Variants in SLF1 observed in about 807,000 individuals in gnomAD.
SLF1 encodes the protein SMC5-SMC6 complex localization factor protein 1.
In SLF1, 105 loss-of-function variants were observed where a neutral mutation model predicts 123.0. The observed-to-expected ratio is 0.85, with a 90% CI of 0.73 to 1.00. The LOEUF (loss-of-function observed/expected upper bound fraction) is 1.00, where lower values mean the gene tolerates loss of function less well. SLF1 is among the 50% of genes least tolerant of loss of function. The pLI is 0.00. For synonymous variants in SLF1, 434 were observed against 406.6 expected, an observed-to-expected ratio of 1.07 and a Z score of -0.81; for missense variants, 1,239 against 1,223.0, an observed-to-expected ratio of 1.01 and a Z score of -0.20.
intron 9 of SLF1, among the ~76,000 whole-genome samples, chr5:94,656,001 A>G (rs1748330491): frequency 6.6e-6 from 1 of 152,014 alleles, no homozygotes; most frequent in Non-Finnish European, 1.5e-5. Flanking sequence ...TAAAAGTTGT[A>G]AAAGTAGGCA....
intron 1 of SLF1, among the ~76,000 whole-genome samples, chr5:94,625,435 G>C (rs1024811185): frequency 6.6e-6 from 1 of 151,792 alleles, no homozygotes; most frequent in African/African-American, 2.4e-5. Flanking sequence ...CCAGGCTGGA[G>C]TGCAATGGTG....
intron 1 of SLF1, among the ~76,000 whole-genome samples, chr5:94,619,122 G>GC (rs1157438910): frequency 6.6e-6 from 1 of 152,074 alleles, no homozygotes; most frequent in East Asian, 1.9e-4. Context: ...AAGGCGCTAG[G>GC]CCCCCCGCGT....
intron 1 of SLF1, among the ~76,000 whole-genome samples, chr5:94,621,515 T>G (rs1281914023): frequency 4.6e-5 from 7 of 152,196 alleles, no homozygotes; most frequent in Admixed American, 3.9e-4. Flanking sequence ...GTAAACCAAA[T>G]TTCCTAGGAT....
chr5:94,665,862 A>T lies in SLF1; in HGVS notation c.1370A>T (p.Asp457Val). 1 of 1,539,462 alleles carries T rather than the reference A, an allele frequency of 6.5e-7. No individual in the cohort carries two copies. Among genetic ancestry groups the T allele is most frequent in the Non-Finnish European group, 8.8e-7 (1 of 1,136,890 alleles). The change falls in exon 12 of 21, where the codon GAT becomes GTT. Residue 457 changes from aspartate (D) to valine (V), a missense_variant and splice_region_variant. Coordinates refer to ENST00000265140, the MANE Select transcript of SLF1 (RefSeq NM_032290.4). ...TGTTTGTTTATTTTTAAATAATAGG[A>T]TAACATAGATACATTTTCTGGTCGA... ...LHALLENVLQDNIDTFSGRYF... is the reference protein window; with the variant it reads ...LHALLENVLQVNIDTFSGRYF...
rs1753501050 is a variant in SLF1, at chr5:94,696,209, G to C, written c.*897G>C. On this transcript the variant is annotated 3_prime_UTR_variant, in exon 21 of 21. Coordinates refer to ENST00000265140, the MANE Select transcript of SLF1 (RefSeq NM_032290.4). ...GATAATAACCACTTTTGAGATTGGA[G>C]TTTCTTCACTACTGGGAGTAAGTTA... 1 of 151,738 alleles carries C rather than the reference G, an allele frequency of 6.6e-6. No individual in the cohort carries two copies. The highest frequency in any genetic ancestry group is 6.6e-5 in the Admixed American group (1 of 15,202). The allele number at this position is 151,738 out of a possible 1,614,324, so 9.4% of individuals were successfully genotyped here.
At chr5:94,650,086 G>A (rs912371290) in intron 6 of SLF1, among the ~76,000 whole-genome samples, 5 of 152,124 alleles carry the variant, frequency 3.3e-5, no homozygotes, top group Non-Finnish European at 7.4e-5. Flanking sequence ...AGCACATATG[G>A]TATGGTGGCT....
At position 94,626,042 on chromosome 5, in the gene SLF1, A is replaced by G. The variant is rs1018341920; in HGVS notation, c.1-2769A>G. On this transcript the variant is annotated intron_variant, in intron 1 of 20. Coordinates refer to ENST00000265140, the MANE Select transcript of SLF1 (RefSeq NM_032290.4). Reference sequence around the variant, plus strand: ...GCCGAGGCAGGCAGATCACAAGGTCAGGAGATCGAGACCGTCCTGGCTAAC... The same window carrying G: ...GCCGAGGCAGGCAGATCACAAGGTCGGGAGATCGAGACCGTCCTGGCTAAC... 3.3e-5 allele frequency among the ~76,000 whole-genome samples: 5 copies of G among 152,126 alleles called. No homozygotes were observed. In the South Asian group the frequency reaches 1.0e-3, roughly 32 times the overall value.
chr5:94,625,074 T>G (rs1007793456), intron 1 of SLF1, among the ~76,000 whole-genome samples: 2 of 151,242 alleles, frequency 1.3e-5, no homozygotes, highest in Non-Finnish European at 2.9e-5. Flanking sequence ...GTGCCTGTAG[T>G]CCCAGCTACT....
At chr5:94,656,245 A>G (rs1748363460) in intron 9 of SLF1, among the ~76,000 whole-genome samples, 1 of 151,898 alleles carries the variant, frequency 6.6e-6, no homozygotes, top group Non-Finnish European at 1.5e-5. Flanking sequence ...TAATTTACTT[A>G]TTTGTGTATG....
intron 5 of SLF1, among the ~76,000 whole-genome samples, chr5:94,648,793 A>G (rs1274791558): frequency 6.6e-6 from 1 of 152,216 alleles, no homozygotes; most frequent in Non-Finnish European, 1.5e-5. Flanking sequence ...ACAGCCTCTC[A>G]TAAGTACATT....
intron 9 of SLF1, among the ~76,000 whole-genome samples, chr5:94,659,350 G>A (rs1748791967): frequency 6.6e-6 from 1 of 151,590 alleles, no homozygotes; most frequent in South Asian, 2.1e-4. Context: ...CTTTTTGTTG[G>A]AATCTGTTGC....
chr5:94,629,291 G>T, intron 3 of SLF1, 124 bp downstream of exon 3: 1 of 671,966 alleles, frequency 1.5e-6, no homozygotes, highest in South Asian at 4.6e-5. Context: ...GATATTTTTT[G>T]AAAATATTTA....
intron 16 of SLF1, 29 bp downstream of exon 16, chr5:94,686,747 C>T: frequency 6.3e-7 from 1 of 1,577,424 alleles, no homozygotes; most frequent in Non-Finnish European, 8.6e-7. Flanking sequence ...TGGTTCTTTA[C>T]ATTTTCAAGA....
chr5:94,621,207 G>C (rs903449075), intron 1 of SLF1, among the ~76,000 whole-genome samples: 3 of 152,168 alleles, frequency 2.0e-5, no homozygotes, highest in African/African-American at 4.8e-5. Flanking sequence ...GTGGTTAAAA[G>C]TATTAGACTA....
chr5:94,679,084 C>A, intron 15 of SLF1, 129 bp downstream of exon 15: 1 of 975,482 alleles, frequency 1.0e-6, no homozygotes, highest in Admixed American at 2.6e-5. Flanking sequence ...TGGATGCACG[C>A]ACACATAGAT....
Position 94,657,471 on chromosome 5 carries a change from G to A in SLF1, c.1155+2719G>A, listed in dbSNP as rs556126776. Among the ~76,000 whole-genome samples, 6 of 151,968 alleles carry A rather than the reference G, an allele frequency of 3.9e-5. No individual in the cohort carries two copies. In the South Asian group the frequency reaches 1.0e-3, roughly 26 times the overall value. ...TTGTTGTGTGGCCTAATGTCTGTCC[G>A]GAAGAATGTCCCATATACTAATGAG... On this transcript the variant is annotated intron_variant, in intron 9 of 20. Coordinates refer to ENST00000265140, the MANE Select transcript of SLF1 (RefSeq NM_032290.4).
At chr5:94,633,573 A>G (rs1400632061) in intron 4 of SLF1, among the ~76,000 whole-genome samples, 1 of 152,198 alleles carries the variant, frequency 6.6e-6, no homozygotes, top group Non-Finnish European at 1.5e-5. Context: ...AGCCATTGCA[A>G]TAAGCCAGAA....
rs1264721672 is a variant in SLF1, at chr5:94,631,969, T to C, written c.431+1226T>C. ...TGTCTCTACAAAATTTTTTTTTCTT[T>C]CTTTTTTTTTTTTTTTTTTCCAAAT... On this transcript the variant is annotated intron_variant, in intron 4 of 20. Transcript: ENST00000265140. Among the ~76,000 whole-genome samples, 3 of 129,120 alleles carry C rather than the reference T, an allele frequency of 2.3e-5. No individual in the cohort carries two copies. The East Asian group carries it at 1.2e-3, about 50-fold the overall frequency. The allele number at this position is 129,120 out of a possible 152,430, so 84.7% of individuals were successfully genotyped here. A position where few individuals can be genotyped will look rare whatever the true frequency, so the allele number is the denominator to read the frequency against.
At chr5:94,646,707 A>G (rs949784254) in intron 5 of SLF1, among the ~76,000 whole-genome samples, 1 of 152,232 alleles carries the variant, frequency 6.6e-6, no homozygotes, top group African/African-American at 2.4e-5. Context: ...CAGAAACAGC[A>G]TAGACTTTTT....
Sources: allele counts gnomAD v4.1 joint callset (sites outside exome capture counted in the v4.1 genomes callset), GRCh38; gene constraint gnomAD v4.1.1; transcripts MANE v1.5; gene names NCBI Gene and HGNC (gene_info 2026-07-23, HGNC 2026-07-21).